PCDH9: variants seen among roughly 807,000 people sequenced by gnomAD.
PCDH9 encodes the protein protocadherin 9.
A neutral mutation model predicts 70.6 loss-of-function variants in PCDH9; 24 were observed. The observed-to-expected ratio is 0.34, with a 90% confidence interval of 0.25 to 0.48. PCDH9 has a LOEUF of 0.48. Among genes scored for constraint, PCDH9 ranks in the 20% least tolerant of loss-of-function variants. The pLI is 0.99. For missense variants in PCDH9, 1,281 were observed against 1,503.6 expected (o/e 0.85, Z 2.45); for synonymous variants, 562 against 558.5 (o/e 1.01, Z -0.09).
intron 3 of PCDH9, among the ~76,000 whole-genome samples, chr13:66,733,395 C>A (rs1309533724): frequency 6.6e-6 from 1 of 152,096 alleles, no homozygotes; most frequent in African/African-American, 2.4e-5. Context: ...TTTAGATCAC[C>A]TTCCTCCACA....
chr13:66,756,020 G>C (rs1355400580), intron 3 of PCDH9, among the ~76,000 whole-genome samples: 1 of 152,008 alleles, frequency 6.6e-6, no homozygotes, highest in Non-Finnish European at 1.5e-5. Context: ...GTCAAATATT[G>C]ATTAATACCA....
chr13:66,585,808 T>C (rs938679489), intron 4 of PCDH9, among the ~76,000 whole-genome samples: 2 of 152,264 alleles, frequency 1.3e-5, no homozygotes, highest in Middle Eastern at 6.8e-3. Flanking sequence ...TATTGCGGTG[T>C]GCAGAGGTGA....
chr13:67,104,674 G>C (rs1211298329), intron 2 of PCDH9, among the ~76,000 whole-genome samples: 2 of 151,720 alleles, frequency 1.3e-5, no homozygotes, highest in East Asian at 1.9e-4. Flanking sequence ...TCAGCCTCTC[G>C]AGTAGCTGGG....
chr13:66,504,209 C>T lies in PCDH9; in HGVS notation c.3340+127001G>A, dbSNP rs879689163. On this transcript the variant is annotated intron_variant, in intron 4 of 4. Coordinates refer to ENST00000377865, the MANE Select transcript of PCDH9 (RefSeq NM_203487.3). Reference sequence around the variant, plus strand: ...TTTTGTCTAAAAACGTCTACTGAACCCACGTGTACCTTAGGATTAGGCCTG... The same window carrying T: ...TTTTGTCTAAAAACGTCTACTGAACTCACGTGTACCTTAGGATTAGGCCTG... Among the ~76,000 whole-genome samples the T allele has an allele frequency of 7.9e-5, 12 of 152,252 alleles. No homozygotes were observed. In the South Asian group the frequency reaches 8.3e-4, roughly 11 times the overall value.
chr13:67,218,941 G>A (rs1298133096), intron 2 of PCDH9: 1 of 151,926 alleles, frequency 6.6e-6, no homozygotes, highest in African/African-American at 2.4e-5. Context: ...AAAAGATCAA[G>A]GGAAAATATT....
chr13:66,857,687 A>G (rs1386067238), intron 3 of PCDH9, among the ~76,000 whole-genome samples: 1 of 152,150 alleles, frequency 6.6e-6, no homozygotes, highest in African/African-American at 2.4e-5. Flanking sequence ...TTTTCTATGT[A>G]TAATCATCCC....
At chr13:66,912,609 T>C (rs981625713) in intron 2 of PCDH9, among the ~76,000 whole-genome samples, 5 of 152,108 alleles carry the variant, frequency 3.3e-5, no homozygotes, top group African/African-American at 1.2e-4. Context: ...CATAAATGTG[T>C]ATTCATGGAA....
chr13:67,065,335 A>T (rs2138138830), intron 2 of PCDH9, among the ~76,000 whole-genome samples: 1 of 152,310 alleles, frequency 6.6e-6, no homozygotes, highest in East Asian at 1.9e-4. Context: ...TCTAATTTTA[A>T]TAGAATACAT....
chr13:66,326,511 C>T (rs376124440), intron 4 of PCDH9, among the ~76,000 whole-genome samples: 1 of 151,970 alleles, frequency 6.6e-6, no homozygotes, highest in Non-Finnish European at 1.5e-5. Flanking sequence ...CTCCGCCTCC[C>T]GGGTTTACGC....
chr13:66,312,484 G>A (rs187947230), intron 4 of PCDH9, among the ~76,000 whole-genome samples: 188 of 152,052 alleles, frequency 1.2e-3, no homozygotes, highest in Admixed American at 2.4e-3. Context: ...GGTGTCATGC[G>A]CCTGTGGTGC....
In PCDH9 at chr13:67,226,857, T is replaced by C; in HGVS notation, c.1584A>G (p.Arg528=). Residue 528 remains arginine (R), a synonymous_variant, in exon 2 of 5, where the codon AGA becomes AGG. Coordinates refer to ENST00000377865, the MANE Select transcript of PCDH9 (RefSeq NM_203487.3). The surrounding 1 kb of genome is among the most constrained non-coding windows in gnomAD (Gnocchi z 5.0). ...DRKTGVLTAS[R]VFDREEQERF... ...GTTCTTGTTCTTCTCTGTCAAATAC[T>C]CTGGAGGCTGTCAAAACTCCTGTTT... 6.2e-7 allele frequency: 1 copy of C among 1,614,180 alleles called. No homozygotes were observed. Among genetic ancestry groups the C allele is most frequent in the Non-Finnish European group, 8.5e-7 (1 of 1,180,014 alleles).
Position 66,305,042 on chromosome 13 carries a change from G to C in PCDH9, c.3341-14C>G, listed in dbSNP as rs200851995. ...CCAAAGGCCCATCTGCAGAAGACAA[G>C]AGAGAGAAAATAAGAAAAGGAAGTG... On this transcript the variant is annotated splice_polypyrimidine_tract_variant and intron_variant, in intron 4 of 4. Transcript: ENST00000377865. 219 of 1,568,664 alleles carry C rather than the reference G, an allele frequency of 1.4e-4. No individual in the cohort carries two copies. Among genetic ancestry groups the C allele is most frequent in the Non-Finnish European group, 1.8e-4 (203 of 1,158,346 alleles).
chr13:66,450,083 T>C (rs747584294), intron 4 of PCDH9, among the ~76,000 whole-genome samples: 11 of 152,148 alleles, frequency 7.2e-5, no homozygotes, highest in Non-Finnish European at 1.3e-4. Flanking sequence ...TTTTTCAAAG[T>C]ATAAAGAAAC....
chr13:66,792,112 C>T (rs1488049222), intron 3 of PCDH9, among the ~76,000 whole-genome samples: 1 of 152,076 alleles, frequency 6.6e-6, no homozygotes, highest in Non-Finnish European at 1.5e-5. Flanking sequence ...TTATATAAGT[C>T]AGTAATTATA....
At chr13:66,398,139 A>G (rs976019043) in intron 4 of PCDH9, among the ~76,000 whole-genome samples, 1 of 152,134 alleles carries the variant, frequency 6.6e-6, no homozygotes. Context: ...GACTGGAAGA[A>G]GTGAGGTCAC....
At chr13:66,628,732 A>G (rs2077530921) in intron 4 of PCDH9, among the ~76,000 whole-genome samples, 1 of 152,204 alleles carries the variant, frequency 6.6e-6, no homozygotes, top group South Asian at 2.1e-4. Flanking sequence ...ATAGATTTTC[A>G]GTAATGCATT....
chr13:66,731,921 A>G (rs1224241485), intron 3 of PCDH9, among the ~76,000 whole-genome samples: 2 of 151,964 alleles, frequency 1.3e-5, no homozygotes, highest in African/African-American at 4.8e-5. Flanking sequence ...ATTTGATGTC[A>G]CTGTTTATTT....
intron 2 of PCDH9, among the ~76,000 whole-genome samples, chr13:67,047,462 A>G (rs900611996): frequency 2.0e-5 from 3 of 152,186 alleles, no homozygotes; most frequent in Non-Finnish European, 2.9e-5. Flanking sequence ...GATGCAAACT[A>G]TATAGTTACA....
chr13:66,449,254 A>G (rs2138423031), intron 4 of PCDH9, among the ~76,000 whole-genome samples: 1 of 152,280 alleles, frequency 6.6e-6, no homozygotes, highest in South Asian at 2.1e-4. Flanking sequence ...ACAAACAAGA[A>G]CGTTAATGAG....
Sources: gnomAD v4.1 joint callset for allele counts (sites outside exome capture counted in the v4.1 genomes callset) on GRCh38, gnomAD v4.1.1 for gene constraint, Gnocchi (gnomAD v3.1) non-coding constraint, MANE v1.5 for transcripts, NCBI Gene and HGNC (gene_info 2026-07-23, HGNC 2026-07-21) for gene names.